The following MTMR1 variants were observed in gnomAD, a reference collection of about 807,000 sequenced individuals.
MTMR1 encodes myotubularin related protein 1.
In MTMR1, 17 loss-of-function variants were observed where a neutral mutation model predicts 51.6. The observed-to-expected ratio is 0.33, with a 90% CI of 0.23 to 0.49. MTMR1 has a LOEUF of 0.49. Among genes scored for constraint, MTMR1 ranks in the 20% least tolerant of loss-of-function variants. MTMR1 has a pLI of 0.99. For synonymous variants in MTMR1, 201 were observed against 205.6 expected, an observed-to-expected ratio of 0.98 and a Z score of 0.19; for missense variants, 386 against 526.9, an observed-to-expected ratio of 0.73 and a Z score of 2.62.
At position 150,718,617 on chromosome X, in the gene MTMR1, T is replaced by TCCAGGC; in HGVS notation, c.277-8_277-7insCCAGGC. On this transcript the variant is annotated splice_region_variant and splice_polypyrimidine_tract_variant and intron_variant, in intron 3 of 15. Coordinates refer to ENST00000445323, the MANE Select transcript of MTMR1 (RefSeq NM_001306144.3). ...TTTTTTTTTTTTTTTTTTTTTTTTT[T>TCCAGGC]TTGCCAGGCTCTAAGGGATGGAAAT... 1.6e-6 allele frequency: 1 copy of TCCAGGC among 633,898 alleles called. No individual in the cohort carries two copies. The highest frequency in any genetic ancestry group is 2.2e-6 in the Non-Finnish European group (1 of 464,462). The allele number at this position is 633,898 out of a possible 1,213,427, so 52.2% of individuals were successfully genotyped here.
chrX:150,695,722 G>A lies in MTMR1; in HGVS notation c.146+2046G>A, dbSNP rs1030972814. ...TGTCAAAGATATAGTTGATCTATCT[G>A]AGCCTGGAGTTCAGGGTTGTCTGGG... is the stretch of plus-strand genomic sequence containing the variant. On this transcript the variant is annotated intron_variant, in intron 1 of 15. Coordinates refer to ENST00000445323, the MANE Select transcript of MTMR1 (RefSeq NM_001306144.3). 3.6e-5 allele frequency among the ~76,000 whole-genome samples: 4 copies of A among 112,092 alleles called. No individual in the cohort carries two copies. The East Asian group carries it at 1.1e-3, about 31-fold the overall frequency.
At chrX:150,714,503 T>C (rs1285362405) in intron 3 of MTMR1, 2 of 981,135 alleles carry the variant, frequency 2.0e-6, no homozygotes, top group African/African-American at 4.0e-5. Context: ...ACACAATGGC[T>C]ACCCTTCTGA....
At chrX:150,714,186 A>AC (rs782609152) in intron 3 of MTMR1, among the ~76,000 whole-genome samples, 26 of 111,849 alleles carry the variant, frequency 2.3e-4, no homozygotes, top group African/African-American at 7.1e-4. Context: ...TTTTGAAAAG[A>AC]CAGTACATTC....
chrX:150,711,876 T>C (rs56262054), intron 2 of MTMR1, among the ~76,000 whole-genome samples: 16,013 of 111,497 alleles, frequency 0.14, 1,911 homozygotes, highest in African/African-American at 0.4. Context: ...TGAGCTGTGC[T>C]TGCTCTGGGT....
chrX:150,761,144 G>C (rs1167625786), intron 15 of MTMR1, among the ~76,000 whole-genome samples: 1 of 110,619 alleles, frequency 9.0e-6, no homozygotes, highest in African/African-American at 3.3e-5. Context: ...TGTCTGATCA[G>C]AATTAAATGA....
In MTMR1 at chrX:150,762,594, G is replaced by T. The variant is rs781802907; in HGVS notation, c.1887G>T (p.Leu629=). The T allele has an allele frequency of 1.2e-5, 14 of 1,212,186 alleles. No individual in the cohort carries two copies. The highest frequency in any genetic ancestry group is 1.6e-5 in the Non-Finnish European group (14 of 895,583). Residue 629 remains leucine (L), a synonymous_variant, in exon 16 of 16, where the codon CTG becomes CTT. Transcript: ENST00000445323. ...CCATTCACCAGAATCTCAAGGAGCT[G>T]CTGGCCGTCAGGGCGGAGCTGCAGA... is the stretch of plus-strand genomic sequence containing the variant. The part of the protein sequence containing the change: ...QMPIHQNLKE[L]LAVRAELQKR...
At chrX:150,699,886 G>A (rs782389855) in intron 2 of MTMR1, among the ~76,000 whole-genome samples, 9 of 112,222 alleles carry the variant, frequency 8.0e-5, no homozygotes, top group Non-Finnish European at 1.7e-4. Flanking sequence ...GGCTTCCCAG[G>A]CACAATCCTG....
At chrX:150,744,243 T>A in intron 12 of MTMR1, 118 bp from the exon 13 acceptor site, 1 of 463,369 alleles carries the variant, frequency 2.2e-6, no homozygotes, top group South Asian at 5.1e-5. Context: ...GTGCCTGTTA[T>A]GTGCCAGGAA....
rs145080796 is a variant in MTMR1 at position 150,759,488 on chromosome X, C to G, written c.1858-3077C>G. Among the ~76,000 whole-genome samples, 548 of 108,831 alleles carry G rather than the reference C, an allele frequency of 5.0e-3. 8 individuals carry two copies. The highest frequency in any genetic ancestry group is 0.016 in the African/African-American group (500 of 30,512). The allele number at this position is 108,831 out of a possible 115,157, so 94.5% of individuals were successfully genotyped here. On this transcript the variant is annotated intron_variant, in intron 15 of 15. Transcript: ENST00000445323. Reference sequence around the variant, plus strand: ...GAGTGCCTTTGGCTAAACAGAGCCTCTCGATTACTGCAGGAGACCCCCGTA... The same window carrying G: ...GAGTGCCTTTGGCTAAACAGAGCCTGTCGATTACTGCAGGAGACCCCCGTA...
At chrX:150,723,540 T>C (rs76694017) in intron 4 of MTMR1, among the ~76,000 whole-genome samples, 7 of 110,960 alleles carry the variant, frequency 6.3e-5, no homozygotes, top group Admixed American at 1.9e-4. Context: ...TTTTAATGAT[T>C]GCCATTCTAA....
chrX:150,693,568 AGGGCGGCGG>A lies in MTMR1; in HGVS notation c.43_51del (p.Gly15_Gly17del), dbSNP rs1465685398. On this transcript the variant is annotated inframe_deletion, in exon 1 of 16. Transcript: ENST00000445323. Reference sequence around the variant, plus strand: ...GCGGCGGCGGCGGCGGCGGGCTGCGAGGGCGGCGGGGGCCCGAACCCGGGGCCGGCGGGC... The same window carrying A: ...GCGGCGGCGGCGGCGGCGGGCTGCGAGGGCCCGAACCCGGGGCCGGCGGGC... 2.1e-5 allele frequency: 16 copies of A among 758,861 alleles called. No homozygotes were observed. The highest frequency in any genetic ancestry group is 8.6e-5 in the Admixed American group (1 of 11,611). The allele number at this position is 758,861 out of a possible 1,213,427, so 62.5% of individuals were successfully genotyped here.
chrX:150,710,652 C>T (rs986750748), intron 2 of MTMR1, among the ~76,000 whole-genome samples: 1 of 112,390 alleles, frequency 8.9e-6, no homozygotes, highest in Non-Finnish European at 1.9e-5. Flanking sequence ...TGAGCCACTG[C>T]GCCCGGCCAT....
chrX:150,709,186 C>T (rs1409687970), intron 2 of MTMR1, among the ~76,000 whole-genome samples: 2 of 112,073 alleles, frequency 1.8e-5, no homozygotes, highest in Admixed American at 9.4e-5. Flanking sequence ...TATTCTCCTA[C>T]GGCTTCCATC....
chrX:150,716,289 A>G (rs782582190), intron 3 of MTMR1, among the ~76,000 whole-genome samples: 1 of 112,999 alleles, frequency 8.8e-6, no homozygotes, highest in Admixed American at 9.3e-5. Context: ...GATGCTATAC[A>G]GTTAGTCACT....
At chrX:150,727,436 C>T in intron 5 of MTMR1, 127 bp downstream of exon 5, 1 of 553,601 alleles carries the variant, frequency 1.8e-6, no homozygotes, top group Non-Finnish European at 2.8e-6. Context: ...TTGAGATGCA[C>T]ACATTTGCAA....
chrX:150,759,275 T>C (rs2043004944), intron 15 of MTMR1, among the ~76,000 whole-genome samples: 1 of 112,672 alleles, frequency 8.9e-6, no homozygotes, highest in Non-Finnish European at 1.9e-5. Context: ...TGAGTTATTC[T>C]GTCCTGGGTG....
At chrX:150,744,279 T>C in intron 12 of MTMR1, 82 bp from the exon 13 acceptor site, 2 of 760,024 alleles carry the variant, frequency 2.6e-6, no homozygotes, top group Non-Finnish European at 4.0e-6. Flanking sequence ...TGAGATGTGA[T>C]TCTTACCACT....
intron 14 of MTMR1, among the ~76,000 whole-genome samples, chrX:150,752,987 G>A (rs1557417645): frequency 9.0e-6 from 1 of 110,596 alleles, no homozygotes; most frequent in African/African-American, 3.3e-5. Context: ...TGGCATACTT[G>A]GTAGCAATCA....
intron 2 of MTMR1, among the ~76,000 whole-genome samples, chrX:150,705,659 T>G (rs2041071043): frequency 9.0e-6 from 1 of 111,431 alleles, no homozygotes; most frequent in Non-Finnish European, 1.9e-5. Context: ...GAAGGAAAAC[T>G]GGAAGAGAAG....
Sources: gnomAD v4.1 joint callset for allele counts (sites outside exome capture counted in the v4.1 genomes callset) on GRCh38, gnomAD v4.1.1 for gene constraint, MANE v1.5 for transcripts, NCBI Gene and HGNC (gene_info 2026-07-23, HGNC 2026-07-21) for gene names.